The following ZBBX variants were observed in gnomAD, a reference collection of about 807,000 sequenced individuals.
The protein encoded by ZBBX is zinc finger B-box domain-containing protein 1.
Under a neutral mutation model 108.5 loss-of-function variants are expected in ZBBX, and 101 were observed. That is an observed-to-expected ratio of 0.93 (90% confidence interval 0.79 to 1.10). The LOEUF is 1.10. Among genes scored for constraint, ZBBX ranks in the 50% least tolerant of loss-of-function variants. The pLI, the probability that ZBBX is intolerant of heterozygous loss-of-function variation, is 0.00. For missense variants in ZBBX, 1,009 were observed against 941.4 expected (o/e 1.07, Z -0.94); for synonymous variants, 356 against 323.4 (o/e 1.10, Z -1.08).
chr3:167,285,930 T>A (rs1461990474), intron 19 of ZBBX, among the ~76,000 whole-genome samples: 1 of 152,156 alleles, frequency 6.6e-6, no homozygotes, highest in Non-Finnish European at 1.5e-5. Flanking sequence ...AGTCCTTGAT[T>A]TCTTTCCAAC....
Position 167,282,391 on chromosome 3 carries a change from C to T in ZBBX, c.2101G>A (p.Ala701Thr), listed in dbSNP as rs1728971176. 2 of 1,614,094 alleles carry T rather than the reference C, an allele frequency of 1.2e-6. No individual in the cohort carries two copies. Among genetic ancestry groups the T allele is most frequent in the East Asian group, 4.5e-5 (2 of 44,874 alleles). ...GCAGCTCTAGATGATGATTGAGCAG[C>T]TGCACTTCTTGATCGAGGATGAGAG... ...SSSHPRSRSA[A>T]AQSSSRAASE... The change falls in exon 20 of 22, where the codon GCT (alanine) becomes ACT (threonine). Residue 701 changes from alanine to threonine, a missense_variant. By Grantham distance (58) the Ala-to-Thr change is moderately conservative. Coordinates refer to ENST00000675490, the MANE Select transcript of ZBBX (RefSeq NM_001199201.2).
At chr3:167,391,858 T>C (rs916682652) in intron 1 of ZBBX, among the ~76,000 whole-genome samples, 1 of 151,852 alleles carries the variant, frequency 6.6e-6, no homozygotes, top group Non-Finnish European at 1.5e-5. Flanking sequence ...GAATTTTATA[T>C]GTAGATAAAT....
chr3:167,386,283 G>C (rs529425432), intron 1 of ZBBX, among the ~76,000 whole-genome samples: 1 of 151,972 alleles, frequency 6.6e-6, no homozygotes. Flanking sequence ...ATACACTCCT[G>C]CATCTTTAAA....
At chr3:167,329,903 T>G (rs1738127949) in intron 10 of ZBBX, among the ~76,000 whole-genome samples, 2 of 152,174 alleles carry the variant, frequency 1.3e-5, no homozygotes, top group African/African-American at 4.8e-5. Flanking sequence ...GGAAACCAAT[T>G]AAAATGTTAC....
Position 167,289,000 on chromosome 3 carries a change from G to T in ZBBX, c.1880-17C>A. 6.7e-7 allele frequency: 1 copy of T among 1,499,522 alleles called. No homozygotes were observed. Among genetic ancestry groups the T allele is most frequent in the Non-Finnish European group, 9.0e-7 (1 of 1,112,476 alleles). 92.9% of individuals were successfully genotyped at this position (1,499,522 alleles called of 1,614,324 possible). A position where few individuals can be genotyped will look rare whatever the true frequency, so the allele number is the denominator to read the frequency against. The stretch of plus-strand genomic sequence containing the variant: ...CTCTGTCTTCTGAAATTGAAAAACA[G>T]TAAGATAACATAAAGTTTGAAAAGA... On this transcript the variant is annotated splice_polypyrimidine_tract_variant and intron_variant, in intron 18 of 21. Coordinates refer to ENST00000675490, the MANE Select transcript of ZBBX (RefSeq NM_001199201.2).
intron 1 of ZBBX, among the ~76,000 whole-genome samples, chr3:167,391,817 G>A (rs1410179153): frequency 6.6e-6 from 1 of 151,642 alleles, no homozygotes; most frequent in Non-Finnish European, 1.5e-5. Context: ...CTGTATGTCT[G>A]TGTAACTACT....
At chr3:167,248,115 C>G (rs1445514786) in intron 20 of ZBBX, among the ~76,000 whole-genome samples, 8 of 152,220 alleles carry the variant, frequency 5.3e-5, no homozygotes, top group Admixed American at 3.3e-4. Flanking sequence ...TCCACCTTAA[C>G]AGCCACAGAC....
chr3:167,265,429 C>T (rs555943877), intron 20 of ZBBX, among the ~76,000 whole-genome samples: 25 of 152,296 alleles, frequency 1.6e-4, no homozygotes, highest in African/African-American at 6.0e-4. Context: ...GTGCCCTCTC[C>T]TACTGTGGCT....
intron 1 of ZBBX, among the ~76,000 whole-genome samples, chr3:167,405,187 A>T (rs1001848417): frequency 6.6e-6 from 1 of 152,178 alleles, no homozygotes. Flanking sequence ...CTACAGGGCA[A>T]TTCAATATGT....
the ZBBX span, among the ~76,000 whole-genome samples, chr3:167,180,419 T>C: frequency 6.6e-6 from 1 of 152,234 alleles, no homozygotes; most frequent in Non-Finnish European, 1.5e-5. Context: ...GGCACCATTG[T>C]AGTGTCATTT....
the ZBBX span, among the ~76,000 whole-genome samples, chr3:167,223,000 A>C: frequency 6.6e-6 from 1 of 152,132 alleles, no homozygotes; most frequent in South Asian, 2.1e-4. Context: ...AAATACACTG[A>C]TTTGATCATT....
intron 16 of ZBBX, among the ~76,000 whole-genome samples, chr3:167,310,298 T>C (rs761640530): frequency 6.6e-6 from 1 of 152,200 alleles, no homozygotes; most frequent in African/African-American, 2.4e-5. Flanking sequence ...CTTTCCCACA[T>C]CTTCTTTTCT....
At chr3:167,269,577 G>A (rs1252618911) in intron 20 of ZBBX, among the ~76,000 whole-genome samples, 2 of 152,184 alleles carry the variant, frequency 1.3e-5, no homozygotes, top group East Asian at 3.9e-4. Flanking sequence ...AACCCCAGAG[G>A]AAGTGGTGAG....
rs1178280889 is a variant in ZBBX, at chr3:167,239,980, G to A, written c.*813C>T. On this transcript the variant is annotated 3_prime_UTR_variant, in exon 22 of 22. Coordinates refer to ENST00000675490, the MANE Select transcript of ZBBX (RefSeq NM_001199201.2). ...AAAGAGAAGTCCTGAGCAAAAGGGG[G>A]GACAGCCCCTTATAAAACCATCAGA... Among the ~76,000 whole-genome samples, 1 of 151,954 alleles carries A rather than the reference G, an allele frequency of 6.6e-6. No individual in the cohort carries two copies. The highest frequency in any genetic ancestry group is 1.5e-5 in the Non-Finnish European group (1 of 67,986).
intron 17 of ZBBX, among the ~76,000 whole-genome samples, chr3:167,299,658 G>A (rs1282500586): frequency 2.0e-5 from 3 of 152,040 alleles, no homozygotes; most frequent in African/African-American, 7.2e-5. Flanking sequence ...ACTTAATTCC[G>A]TAGGAAGTAC....
intron 20 of ZBBX, among the ~76,000 whole-genome samples, chr3:167,269,804 C>A (rs1726211362): frequency 6.6e-6 from 1 of 152,218 alleles, no homozygotes; most frequent in African/African-American, 2.4e-5. Context: ...CTAACCCTTA[C>A]ACTATTCTCA....
At chr3:167,321,233 G>A (rs1330967279) in intron 12 of ZBBX, among the ~76,000 whole-genome samples, 1 of 151,958 alleles carries the variant, frequency 6.6e-6, no homozygotes, top group Non-Finnish European at 1.5e-5. Flanking sequence ...GAAGGTGAGT[G>A]GTGGTGCGGG....
chr3:167,186,097 C>T, the ZBBX span, among the ~76,000 whole-genome samples: 1 of 151,548 alleles, frequency 6.6e-6, no homozygotes, highest in African/African-American at 2.4e-5. Context: ...ACAATTGAAG[C>T]TTTAACAATT....
At chr3:167,295,756 TATAAAA>T (rs200983962) in intron 18 of ZBBX, among the ~76,000 whole-genome samples, 3,703 of 10,690 alleles carry the variant, frequency 0.35, 713 homozygotes, top group African/African-American at 0.47. Flanking sequence ...TATATATATA[TATAAAA>T]AAAACTAGTA....
Sources: allele counts gnomAD v4.1 joint callset (sites outside exome capture counted in the v4.1 genomes callset), GRCh38; gene constraint gnomAD v4.1.1; transcripts MANE v1.5; gene names NCBI Gene and HGNC (gene_info 2026-07-23, HGNC 2026-07-21).